SAMMSON: variants seen among roughly 807,000 people sequenced by gnomAD.
SAMMSON encodes long intergenic non-protein coding RNA 1212.
chr3:70,203,584 T>C (rs1701261563), intron 4 of SAMMSON, among the ~76,000 whole-genome samples: 1 of 152,190 alleles, frequency 6.6e-6, no homozygotes, highest in Non-Finnish European at 1.5e-5. Flanking sequence ...GCAAATGAAC[T>C]GAAATAATTA....
intron 4 of SAMMSON, among the ~76,000 whole-genome samples, chr3:70,246,690 A>G (rs1701710710): frequency 6.6e-6 from 1 of 152,068 alleles, no homozygotes; most frequent in Admixed American, 6.6e-5. Flanking sequence ...AATACTAAAA[A>G]AAATTATGGG....
At chr3:70,373,208 A>G (rs1702985548) in intron 9 of SAMMSON, among the ~76,000 whole-genome samples, 1 of 152,014 alleles carries the variant, frequency 6.6e-6, no homozygotes, top group Admixed American at 6.6e-5. Flanking sequence ...TTACCTAGGA[A>G]TGTCATTATT....
intron 4 of SAMMSON, among the ~76,000 whole-genome samples, chr3:70,212,695 T>A (rs1701363487): frequency 6.6e-6 from 1 of 152,136 alleles, no homozygotes; most frequent in Non-Finnish European, 1.5e-5. Flanking sequence ...AATATTCTTC[T>A]CGTCATATTA....
chr3:70,010,056 C>A (rs1330873347), intron 1 of SAMMSON, among the ~76,000 whole-genome samples: 1 of 151,980 alleles, frequency 6.6e-6, no homozygotes, highest in African/African-American at 2.4e-5. Context: ...GCTTTACTTC[C>A]AACTACGTGG....
intron 4 of SAMMSON, among the ~76,000 whole-genome samples, chr3:70,092,278 A>G (rs980380438): frequency 5.3e-5 from 8 of 152,026 alleles, no homozygotes; most frequent in African/African-American, 1.2e-4. Flanking sequence ...GTGGGCACAT[A>G]GTAGATATAT....
chr3:70,123,011 C>T (rs1472770657), intron 4 of SAMMSON, among the ~76,000 whole-genome samples: 1 of 152,256 alleles, frequency 6.6e-6, no homozygotes, highest in Middle Eastern at 3.4e-3. Flanking sequence ...TCTAAATTAC[C>T]TGAAATACTT....
chr3:70,034,160 CTGTT>C (rs1168132255), intron 3 of SAMMSON, among the ~76,000 whole-genome samples: 1 of 152,070 alleles, frequency 6.6e-6, no homozygotes, highest in Non-Finnish European at 1.5e-5. Flanking sequence ...GCTGGGCCGT[CTGTT>C]TGAGCATCAC....
At chr3:70,263,562 T>C (rs181079491) in intron 6 of SAMMSON, among the ~76,000 whole-genome samples, 3 of 152,296 alleles carry the variant, frequency 2.0e-5, no homozygotes, top group Non-Finnish European at 1.5e-5. Context: ...AGATCTCTAG[T>C]AGTTGTTCTT....
chr3:70,257,645 C>A (rs1701829154), intron 6 of SAMMSON, among the ~76,000 whole-genome samples: 1 of 152,144 alleles, frequency 6.6e-6, no homozygotes, highest in South Asian at 2.1e-4. Flanking sequence ...TGAAACATTG[C>A]TTAGAGAAGT....
intron 3 of SAMMSON, among the ~76,000 whole-genome samples, chr3:70,025,711 C>T (rs2067034845): frequency 6.6e-6 from 1 of 152,192 alleles, no homozygotes; most frequent in Admixed American, 6.6e-5. Context: ...TCACTACAAA[C>T]TTAACTACAA....
downstream of SAMMSON, among the ~76,000 whole-genome samples, chr3:70,393,663 A>G (rs1267458825): frequency 1.3e-5 from 2 of 152,166 alleles, no homozygotes; most frequent in African/African-American, 4.8e-5. Context: ...AATGAGACTA[A>G]GGCTGAAGTT....
intron 4 of SAMMSON, among the ~76,000 whole-genome samples, chr3:70,107,689 A>C (rs1200916282): frequency 6.6e-6 from 1 of 151,482 alleles, no homozygotes; most frequent in Non-Finnish European, 1.5e-5. Context: ...TATAAAAGAG[A>C]TCATAAAAGG....
intron 3 of SAMMSON, among the ~76,000 whole-genome samples, chr3:70,024,306 C>G (rs1320193558): frequency 1.3e-5 from 2 of 152,110 alleles, no homozygotes; most frequent in Admixed American, 6.6e-5. Flanking sequence ...GATTTATCTT[C>G]TCTGTTTTTA....
chr3:70,222,221 A>C (rs2106737577), intron 4 of SAMMSON, among the ~76,000 whole-genome samples: 1 of 152,238 alleles, frequency 6.6e-6, no homozygotes, highest in Non-Finnish European at 1.5e-5. Context: ...GCCTTGGAGA[A>C]TTGTGGGTTT....
chr3:70,021,312 A>G (rs2067012488), intron 3 of SAMMSON, among the ~76,000 whole-genome samples: 1 of 152,106 alleles, frequency 6.6e-6, no homozygotes. Flanking sequence ...TCAGTTTGAT[A>G]TGTTTACTTT....
chr3:70,131,605 A>G (rs940219448), intron 4 of SAMMSON, among the ~76,000 whole-genome samples: 5 of 152,148 alleles, frequency 3.3e-5, no homozygotes, highest in Admixed American at 6.5e-5. Flanking sequence ...ATTAAAAAAA[A>G]ATAGAGGGTT....
chr3:70,147,339 A>G lies in SAMMSON; in HGVS notation n.507+75774A>G, dbSNP rs567290371. ...CTGGTTCTAAAATTTTTATGAAAAG[A>G]CAAGAGATTTACAATGGTCAAAATC... is the stretch of plus-strand genomic sequence containing the variant. On this transcript the variant is annotated intron_variant and non_coding_transcript_variant, in intron 4 of 9. Transcript: ENST00000642114. Among the ~76,000 whole-genome samples, 3 of 152,162 alleles carry G rather than the reference A, an allele frequency of 2.0e-5. No individual in the cohort carries two copies. The South Asian group carries it at 6.2e-4, about 32-fold the overall frequency.
At chr3:70,410,910 AC>A (rs1701212910) in intron 2 of SAMMSON, among the ~76,000 whole-genome samples, 1 of 152,160 alleles carries the variant, frequency 6.6e-6, no homozygotes, top group Admixed American at 6.5e-5. Context: ...GGCATCTTTT[AC>A]TTTATGCTTT....
At chr3:70,195,991 A>T (rs960038905) in intron 4 of SAMMSON, among the ~76,000 whole-genome samples, 1 of 152,226 alleles carries the variant, frequency 6.6e-6, no homozygotes, top group Non-Finnish European at 1.5e-5. Flanking sequence ...AGCACATGCT[A>T]TATTAAGAAG....
Sources: allele counts gnomAD v4.1 joint callset (sites outside exome capture counted in the v4.1 genomes callset), GRCh38; gene constraint gnomAD v4.1.1; transcripts MANE v1.5; gene names NCBI Gene and HGNC (gene_info 2026-07-23, HGNC 2026-07-21).